TRIM23: variants seen among roughly 807,000 people sequenced by gnomAD.
TRIM23 encodes E3 ubiquitin-protein ligase TRIM23.
TRIM23 carries 27 observed loss-of-function variants against 71.0 expected under a neutral mutation model. The ratio of observed to expected loss-of-function variants is 0.38; its 90% CI spans 0.28 to 0.52. The LOEUF is 0.52. Among genes scored for constraint, TRIM23 ranks in the 20% least tolerant of loss-of-function variants. The pLI, the probability that TRIM23 is intolerant of heterozygous loss-of-function variation, is 0.84. For synonymous variants in TRIM23, 234 were observed against 238.0 expected, an observed-to-expected ratio of 0.98 and a Z score of 0.16; for missense variants, 482 against 692.3, an observed-to-expected ratio of 0.70 and a Z score of 3.41.
intron 3 of TRIM23, chr5:65,613,656 CA>C: frequency 9.0e-7 from 1 of 1,114,270 alleles, no homozygotes; most frequent in South Asian, 2.1e-5. Context: ...GAAGCTATAA[CA>C]GTAACAATTC....
intron 7 of TRIM23, among the ~76,000 whole-genome samples, chr5:65,598,760 A>C (rs566092594): frequency 1.3e-5 from 2 of 152,178 alleles, no homozygotes; most frequent in Non-Finnish European, 2.9e-5. Flanking sequence ...AAAAAAAAAA[A>C]AACACATATT....
In TRIM23 at chr5:65,611,626, AT is replaced by A; in HGVS notation, c.621del (p.Glu207AspfsTer25). The A allele has an allele frequency of 6.2e-7, 1 of 1,613,926 alleles. No homozygotes were observed. Among genetic ancestry groups the A allele is most frequent in the Non-Finnish European group, 8.5e-7 (1 of 1,179,824 alleles). On this transcript the variant is annotated frameshift_variant, in exon 4 of 11. Transcript: ENST00000231524. LOFTEE classifies it high-confidence loss of function. ...ACCTTGTGACCCTGGTGTTTTCCAT[AT>A]TCTTTGCAGACACAGCACATGAGTG... is the stretch of plus-strand genomic sequence containing the variant. ...TSPLMCCVCK[E>X]YGKHQGHKHS...
intron 7 of TRIM23, among the ~76,000 whole-genome samples, chr5:65,602,163 C>T (rs1053471531): frequency 3.3e-5 from 5 of 152,190 alleles, no homozygotes; most frequent in East Asian, 1.9e-4. Context: ...CAAACTTTTA[C>T]GCTCTGCTTC....
chr5:65,590,131 C>A lies in TRIM23; in HGVS notation c.*1638G>T. On this transcript the variant is annotated 3_prime_UTR_variant, in exon 11 of 11. Transcript: ENST00000231524. ...TTAGTGAAAAGGGAAGCAAGTTCACCTTAGTGTTACACTTTTTCTTCAATT... is the reference window on the plus strand; with the variant it reads ...TTAGTGAAAAGGGAAGCAAGTTCACATTAGTGTTACACTTTTTCTTCAATT... 2.0e-6 allele frequency: 1 copy of A among 491,734 alleles called. No homozygotes were observed. The highest frequency in any genetic ancestry group is 3.5e-5 in the Admixed American group (1 of 28,184). The allele number at this position is 491,734 out of a possible 1,614,324, so 30.5% of individuals were successfully genotyped here.
chr5:65,595,557 C>CAAAA (rs34701696), intron 9 of TRIM23, among the ~76,000 whole-genome samples: 2 of 93,522 alleles, frequency 2.1e-5, no homozygotes, highest in Non-Finnish European at 4.2e-5. Flanking sequence ...GACTCGATCT[C>CAAAA]AAAAAAAAAA....
rs77466825 is a variant in TRIM23, at chr5:65,612,736, T to C, written c.367-855A>G. 9.3e-3 allele frequency among the ~76,000 whole-genome samples: 1,417 copies of C among 152,218 alleles called. 13 individuals are homozygous for C. Among genetic ancestry groups the C allele is most frequent in the Admixed American group, 0.014 (217 of 15,288 alleles). On this transcript the variant is annotated intron_variant, in intron 3 of 10. Coordinates refer to ENST00000231524, the MANE Select transcript of TRIM23 (RefSeq NM_001656.4). ...CAGGTAGCTGAGGCACGAGAATCAC[T>C]TGAAGCCAGGAAGTGGAGGCTGCAG...
chr5:65,623,457 A>G (rs533203640), intron 1 of TRIM23, among the ~76,000 whole-genome samples: 2 of 152,324 alleles, frequency 1.3e-5, no homozygotes, highest in East Asian at 3.9e-4. Context: ...TTCCGTGCAC[A>G]ACAGTGGAAG....
At chr5:65,606,200 T>C (rs964258369) in intron 6 of TRIM23, among the ~76,000 whole-genome samples, 25 of 152,110 alleles carry the variant, frequency 1.6e-4, no homozygotes, top group African/African-American at 6.0e-4. Context: ...TCCCAGCACT[T>C]TGGGAGGCCA....
intron 6 of TRIM23, among the ~76,000 whole-genome samples, chr5:65,605,292 G>A (rs769874884): frequency 2.6e-5 from 4 of 152,160 alleles, no homozygotes; most frequent in Non-Finnish European, 5.9e-5. Context: ...ATAGCTACAC[G>A]TGATGATAGA....
chr5:65,601,814 G>A (rs1476254815), intron 7 of TRIM23, among the ~76,000 whole-genome samples: 1 of 152,178 alleles, frequency 6.6e-6, no homozygotes, highest in Non-Finnish European at 1.5e-5. Flanking sequence ...GCCAAGGCTT[G>A]GGGATTCCAC....
In TRIM23 at chr5:65,614,162, C is replaced by T; in HGVS notation, c.302G>A (p.Arg101Gln). 3.1e-6 allele frequency: 5 copies of T among 1,614,014 alleles called. No homozygotes were observed. Among genetic ancestry groups the T allele is most frequent in the Admixed American group, 1.7e-5 (1 of 60,018 alleles). The stretch of plus-strand genomic sequence containing the variant: ...CTGACCAATAGGCCCATTCTGCAGT[C>T]GTTCCAAAAGCTCCAATAAAGCAAA... The part of the protein sequence containing the change: ...KNFALLELLE[R>Q]LQNGPIGQYG... The change falls in exon 3 of 11, where the codon CGA (arginine) becomes CAA (glutamine). Residue 101 changes from arginine to glutamine, a missense_variant. By Grantham distance (43) the Arg-to-Gln change is conservative. Transcript: ENST00000231524.
At chr5:65,604,451 C>T (rs1754444311) in intron 7 of TRIM23, among the ~76,000 whole-genome samples, 1 of 151,874 alleles carries the variant, frequency 6.6e-6, no homozygotes, top group African/African-American at 2.4e-5. Flanking sequence ...TAAAATATTT[C>T]ATAGATGAAA....
chr5:65,591,670 T>C lies in TRIM23; in HGVS notation c.*99A>G. The C allele has an allele frequency of 1.8e-6, 2 of 1,135,338 alleles. No homozygotes were observed. 70.3% of individuals were successfully genotyped at this position (1,135,338 alleles called of 1,614,324 possible). On this transcript the variant is annotated 3_prime_UTR_variant, in exon 11 of 11. Coordinates refer to ENST00000231524, the MANE Select transcript of TRIM23 (RefSeq NM_001656.4). ...TTATATATATATATATATATATGCATCCTAAATTACCATCTTTTGAGATGT... is the reference window on the plus strand; with the variant it reads ...TTATATATATATATATATATATGCACCCTAAATTACCATCTTTTGAGATGT...
At chr5:65,609,013 G>C (rs551285718) in intron 6 of TRIM23, among the ~76,000 whole-genome samples, 4 of 152,038 alleles carry the variant, frequency 2.6e-5, no homozygotes, top group Non-Finnish European at 5.9e-5. Flanking sequence ...CTGAAGAATG[G>C]CAAGAAGTTA....
In TRIM23 at chr5:65,621,123, C is replaced by A. The variant is rs1032846340; in HGVS notation, c.82-2868G>T. 3.3e-5 allele frequency among the ~76,000 whole-genome samples: 5 copies of A among 152,194 alleles called. No individual in the cohort carries two copies. In the East Asian group the frequency reaches 7.7e-4, roughly 24 times the overall value. On this transcript the variant is annotated intron_variant, in intron 1 of 10. Transcript: ENST00000231524. ...ATCTCAGCACTTTGGGAGGCCAAGG[C>A]GGGCAGATCACGAGGTCAGGAGATT...
At chr5:65,620,053 C>A (rs528189263) in intron 1 of TRIM23, among the ~76,000 whole-genome samples, 4 of 152,150 alleles carry the variant, frequency 2.6e-5, no homozygotes, top group African/African-American at 9.6e-5. Flanking sequence ...CCACCGCACT[C>A]CAGCCTAGGT....
intron 7 of TRIM23, among the ~76,000 whole-genome samples, chr5:65,597,833 A>G (rs748822382): frequency 1.4e-4 from 22 of 152,190 alleles, no homozygotes; most frequent in Non-Finnish European, 1.5e-4. Context: ...ACATTTTTAT[A>G]TATTACTAGC....
At chr5:65,609,083 C>T (rs1020629415) in intron 6 of TRIM23, among the ~76,000 whole-genome samples, 160 bp downstream of exon 6, 6 of 152,146 alleles carry the variant, frequency 3.9e-5, no homozygotes, top group African/African-American at 1.4e-4. Context: ...ACTGATAATT[C>T]CATACTAGTG....
intron 7 of TRIM23, among the ~76,000 whole-genome samples, chr5:65,598,851 G>C (rs1441696141): frequency 6.6e-6 from 1 of 151,572 alleles, no homozygotes; most frequent in East Asian, 1.9e-4. Flanking sequence ...ATAATACACA[G>C]AATGAGAGAA....
Sources: gnomAD v4.1 joint callset for allele counts (sites outside exome capture counted in the v4.1 genomes callset) on GRCh38, gnomAD v4.1.1 for gene constraint, MANE v1.5 for transcripts, NCBI Gene and HGNC (gene_info 2026-07-23, HGNC 2026-07-21) for gene names.